NELL2: variants seen among roughly 807,000 people sequenced by gnomAD.
NELL2 encodes neural EGFL like 2.
NELL2 carries 41 observed loss-of-function variants against 109.6 expected under a neutral mutation model. The observed-to-expected ratio is 0.37, with a 90% CI of 0.29 to 0.49. The LOEUF (loss-of-function observed/expected upper bound fraction) is 0.49, where lower values mean the gene tolerates loss of function less well. NELL2 is among the 20% of genes least tolerant of loss of function. The pLI is 0.98. For synonymous variants in NELL2, 355 were observed against 344.7 expected (o/e 1.03, Z -0.33); for missense variants, 900 against 1,008.3 (o/e 0.89, Z 1.45).
At chr12:44,806,327 C>T (rs1402850163) in intron 3 of NELL2, among the ~76,000 whole-genome samples, 1 of 151,768 alleles carries the variant, frequency 6.6e-6, no homozygotes, top group Non-Finnish European at 1.5e-5. Flanking sequence ...TCTGAATGGG[C>T]AAACTTTTTA....
intron 12 of NELL2, among the ~76,000 whole-genome samples, chr12:44,697,012 A>C (rs1314604712): frequency 1.3e-5 from 2 of 152,188 alleles, no homozygotes; most frequent in Non-Finnish European, 2.9e-5. Flanking sequence ...GGCTCTTGGA[A>C]ATGGCAACTT....
chr12:44,837,483 C>T (rs1944089907), intron 2 of NELL2, among the ~76,000 whole-genome samples: 1 of 152,076 alleles, frequency 6.6e-6, no homozygotes, highest in Admixed American at 6.6e-5. Flanking sequence ...GACTTGAGCC[C>T]AGGTAGTCTA....
chr12:44,737,996 G>C (rs1251716099), intron 9 of NELL2, among the ~76,000 whole-genome samples: 1 of 152,120 alleles, frequency 6.6e-6, no homozygotes, highest in African/African-American at 2.4e-5. Context: ...TACTTGTCAA[G>C]GAAGACTTCA....
At chr12:44,762,699 TTCCTCTTTC>T (rs1941176787) in intron 9 of NELL2, among the ~76,000 whole-genome samples, 1 of 152,166 alleles carries the variant, frequency 6.6e-6, no homozygotes, top group Non-Finnish European at 1.5e-5. Flanking sequence ...AGCTTACACA[TTCCTCTTTC>T]TCCTCTTCAC....
Position 44,736,171 on chromosome 12 carries a change from C to T in NELL2, c.995-21430G>A, listed in dbSNP as rs375169039. 9.2e-5 allele frequency among the ~76,000 whole-genome samples: 14 copies of T among 151,800 alleles called. No individual in the cohort carries two copies. In the East Asian group the frequency reaches 1.2e-3, roughly 13 times the overall value. On this transcript the variant is annotated intron_variant, in intron 9 of 19. Transcript: ENST00000429094. Reference sequence around the variant, plus strand: ...GACTACAGGCGCGCGCCACCATGCCCGGCTAATTTTTGTATTTTTAGTAGA... The same window carrying T: ...GACTACAGGCGCGCGCCACCATGCCTGGCTAATTTTTGTATTTTTAGTAGA...
chr12:44,597,922 T>C (rs1171974655), intron 15 of NELL2, among the ~76,000 whole-genome samples: 2 of 152,174 alleles, frequency 1.3e-5, no homozygotes, highest in Non-Finnish European at 2.9e-5. Flanking sequence ...ATGCAGGAGA[T>C]GCTTTTGTTT....
At chr12:44,772,792 T>C (rs2136578481) in intron 9 of NELL2, among the ~76,000 whole-genome samples, 1 of 152,306 alleles carries the variant, frequency 6.6e-6, no homozygotes, top group Non-Finnish European at 1.5e-5. Context: ...TGGCTTTTTT[T>C]TTTCATTATG....
intron 16 of NELL2, among the ~76,000 whole-genome samples, chr12:44,532,349 G>C (rs1942104326): frequency 6.6e-6 from 1 of 152,024 alleles, no homozygotes; most frequent in Admixed American, 6.6e-5. Context: ...TTTAACAGTT[G>C]CAAGAATCCA....
At chr12:44,904,364 T>G (rs1245798823) in intron 1 of NELL2, among the ~76,000 whole-genome samples, 1 of 152,174 alleles carries the variant, frequency 6.6e-6, no homozygotes, top group African/African-American at 2.4e-5. Flanking sequence ...ACCCTTCAAC[T>G]AACTTATAGC....
At chr12:44,683,281 C>T (rs1252744702) in intron 12 of NELL2, among the ~76,000 whole-genome samples, 1 of 151,808 alleles carries the variant, frequency 6.6e-6, no homozygotes, top group Non-Finnish European at 1.5e-5. Context: ...TATCCTGAGA[C>T]TTTGCTGAAG....
At chr12:44,911,716 G>A (rs1945781628) in intron 1 of NELL2, among the ~76,000 whole-genome samples, 1 of 151,676 alleles carries the variant, frequency 6.6e-6, no homozygotes, top group African/African-American at 2.4e-5. Flanking sequence ...TCCTGCCTTC[G>A]AGTCACCGAT....
intron 19 of NELL2, among the ~76,000 whole-genome samples, chr12:44,515,049 A>T (rs1253062344): frequency 6.6e-6 from 1 of 151,734 alleles, no homozygotes; most frequent in African/African-American, 2.4e-5. Context: ...GTTATTAAAG[A>T]AAAAGAAGGC....
At chr12:44,854,084 A>G (rs1157241797) in intron 2 of NELL2, among the ~76,000 whole-genome samples, 1 of 152,236 alleles carries the variant, frequency 6.6e-6, no homozygotes, top group African/African-American at 2.4e-5. Flanking sequence ...AATAAGTTCT[A>G]AAAATATAGG....
At chr12:44,566,506 A>C (rs1028919418) in intron 15 of NELL2, among the ~76,000 whole-genome samples, 1 of 149,302 alleles carries the variant, frequency 6.7e-6, no homozygotes, top group Admixed American at 6.8e-5. Context: ...GCTTTTTTGC[A>C]TCTACACTAG....
chr12:44,833,478 A>C lies in NELL2; in HGVS notation c.185-17342T>G, dbSNP rs1026976286. Reference sequence around the variant, plus strand: ...CTTTATATGCCAGTCTTACATCCTCAGAAAGACTGATTTTAATCTCCTTAA... The same window carrying C: ...CTTTATATGCCAGTCTTACATCCTCCGAAAGACTGATTTTAATCTCCTTAA... On this transcript the variant is annotated intron_variant, in intron 2 of 19. Coordinates refer to ENST00000429094, the MANE Select transcript of NELL2 (RefSeq NM_001145108.2). Among the ~76,000 whole-genome samples the C allele has an allele frequency of 4.6e-5, 7 of 152,270 alleles. No individual in the cohort carries two copies. The East Asian group carries it at 1.2e-3, about 25-fold the overall frequency.
At chr12:44,585,707 T>C (rs1279497263) in intron 15 of NELL2, among the ~76,000 whole-genome samples, 1 of 151,870 alleles carries the variant, frequency 6.6e-6, no homozygotes, top group South Asian at 2.1e-4. Flanking sequence ...GTGTGAATTT[T>C]GCATGGGTAT....
At chr12:44,770,216 G>T (rs1168731432) in intron 9 of NELL2, among the ~76,000 whole-genome samples, 1 of 152,070 alleles carries the variant, frequency 6.6e-6, no homozygotes, top group Admixed American at 6.5e-5. Flanking sequence ...TCACTACTTT[G>T]TATTTTTATC....
intron 1 of NELL2, among the ~76,000 whole-genome samples, chr12:44,892,841 A>G (rs1292932645): frequency 6.6e-6 from 1 of 151,618 alleles, no homozygotes; most frequent in Non-Finnish European, 1.5e-5. Context: ...CAACATTAGT[A>G]AGGAGCACAA....
At chr12:44,859,466 A>G (rs1244420423) in intron 2 of NELL2, among the ~76,000 whole-genome samples, 1 of 152,194 alleles carries the variant, frequency 6.6e-6, no homozygotes, top group African/African-American at 2.4e-5. Flanking sequence ...GCTTGAACCC[A>G]GGAGGTGGAG....
Sources: allele counts gnomAD v4.1 joint callset (sites outside exome capture counted in the v4.1 genomes callset), GRCh38; gene constraint gnomAD v4.1.1; transcripts MANE v1.5; gene names NCBI Gene and HGNC (gene_info 2026-07-23, HGNC 2026-07-21).